The following IL5RA variants were observed in gnomAD, a reference collection of about 807,000 sequenced individuals.
The protein encoded by IL5RA is interleukin-5 receptor subunit alpha.
A neutral mutation model predicts 50.0 loss-of-function variants in IL5RA; 49 were observed. That is an observed-to-expected ratio of 0.98 (90% confidence interval 0.78 to 1.24). IL5RA has a LOEUF of 1.24. IL5RA is among the 50% of genes most tolerant of loss of function. The pLI, the probability that IL5RA is intolerant of heterozygous loss-of-function variation, is 0.00. For missense variants in IL5RA, 600 were observed against 500.4 expected (o/e 1.20, Z -1.90); for synonymous variants, 202 against 174.0 (o/e 1.16, Z -1.26).
chr3:3,085,970 T>G (rs1318449908), intron 9 of IL5RA, among the ~76,000 whole-genome samples: 2 of 151,524 alleles, frequency 1.3e-5, no homozygotes, highest in Non-Finnish European at 2.9e-5. Flanking sequence ...GAATGAGTGA[T>G]CTGAAAACGG....
chr3:3,071,496 C>A (rs1296188781), intron 11 of IL5RA, among the ~76,000 whole-genome samples: 1 of 150,466 alleles, frequency 6.6e-6, no homozygotes, highest in Non-Finnish European at 1.5e-5. Flanking sequence ...TCAGGATATG[C>A]TTTTTTAGAA....
chr3:3,089,214 A>C (rs1702992074), intron 9 of IL5RA, among the ~76,000 whole-genome samples: 1 of 152,176 alleles, frequency 6.6e-6, no homozygotes, highest in Non-Finnish European at 1.5e-5. Flanking sequence ...TGCTCCTGTA[A>C]GTCTCTCTGA....
At chr3:3,078,615 C>G (rs980695351) in intron 9 of IL5RA, among the ~76,000 whole-genome samples, 17 of 152,162 alleles carry the variant, frequency 1.1e-4, no homozygotes, top group African/African-American at 4.1e-4. Flanking sequence ...GGGTGGATCA[C>G]TTGAGGTCAG....
At chr3:3,095,120 A>G (rs7647260) in intron 8 of IL5RA, among the ~76,000 whole-genome samples, 179 bp downstream of exon 8, 55,452 of 152,110 alleles carry the variant, frequency 0.36, 10,249 homozygotes, top group South Asian at 0.55. Flanking sequence ...TCAAAACAAA[A>G]GGCCAGTAAG....
intron 10 of IL5RA, among the ~76,000 whole-genome samples, chr3:3,075,813 G>A (rs965774238): frequency 6.6e-6 from 1 of 151,740 alleles, no homozygotes; most frequent in African/African-American, 2.4e-5. Context: ...CATTAGCCAG[G>A]GTGGTCTCGA....
rs71058670 is a variant in IL5RA, at chr3:3,070,575, CTTTTTTTTTTTTT to C, written c.1177-277_1177-265del. On this transcript the variant is annotated intron_variant, in intron 11 of 11. Coordinates refer to ENST00000446632, the MANE Select transcript of IL5RA (RefSeq NM_175726.4). Reference sequence around the variant, plus strand: ...TACTTGAAGTCATATGGATACACATCTTTTTTTTTTTTTTTTTTTTTTTTTAGACAGAGTCTCA... The same window carrying C: ...TACTTGAAGTCATATGGATACACATCTTTTTTTTTTTTAGACAGAGTCTCA... Among the ~76,000 whole-genome samples, 186 of 84,918 alleles carry C rather than the reference CTTTTTTTTTTTTT, an allele frequency of 2.2e-3. 3 individuals are homozygous for C. Among genetic ancestry groups the C allele is most frequent in the African/African-American group, 9.7e-3 (179 of 18,476 alleles). 55.7% of individuals were successfully genotyped at this position (84,918 alleles called of 152,430 possible).
At chr3:3,086,672 A>AG (rs111951720) in intron 9 of IL5RA, among the ~76,000 whole-genome samples, 11,478 of 151,930 alleles carry the variant, frequency 0.076, 823 homozygotes, top group African/African-American at 0.19. Context: ...TCATCTCTTA[A>AG]AAAAAAATTC....
At chr3:3,075,795 T>A (rs1215086508) in intron 10 of IL5RA, among the ~76,000 whole-genome samples, 2 of 151,690 alleles carry the variant, frequency 1.3e-5, no homozygotes, top group African/African-American at 2.4e-5. Flanking sequence ...AGAGACGGGG[T>A]TTCACCACAT....
In IL5RA at chr3:3,097,994, T is replaced by C. The variant is rs765110668; in HGVS notation, c.585A>G (p.Ala195=). The change falls in exon 7 of 12, where the codon GCA becomes GCG. Residue 195 remains alanine (A), a synonymous_variant. Transcript: ENST00000446632. ...GGATAAAAGTCCTGGGAAACCAGCA[T>C]GCGATATTTCTCCCCAGTGTGTCTT... ...YSKDTLGRNI[A]CWFPRTFILS... is the part of the protein sequence containing the mutation. 1 of 1,614,204 alleles carries C rather than the reference T, an allele frequency of 6.2e-7. No homozygotes were observed. Among genetic ancestry groups the C allele is most frequent in the Non-Finnish European group, 8.5e-7 (1 of 1,180,046 alleles).
chr3:3,086,373 C>T (rs745680500), intron 9 of IL5RA, among the ~76,000 whole-genome samples: 1 of 151,950 alleles, frequency 6.6e-6, no homozygotes, highest in Admixed American at 6.6e-5. Flanking sequence ...CAAAAGGTTT[C>T]GATAAACAGG....
chr3:3,099,252 C>G (rs1160366943), intron 5 of IL5RA, among the ~76,000 whole-genome samples: 1 of 152,156 alleles, frequency 6.6e-6, no homozygotes, highest in African/African-American at 2.4e-5. Context: ...TCCCAGTGCT[C>G]TGGGAGGCCA....
chr3:3,094,559 C>T (rs149798555), intron 8 of IL5RA, among the ~76,000 whole-genome samples: 2 of 152,250 alleles, frequency 1.3e-5, no homozygotes, highest in East Asian at 3.9e-4. Flanking sequence ...AATAATGCTG[C>T]TATGGACATG....
At chr3:3,089,774 C>T (rs1033053584) in intron 9 of IL5RA, among the ~76,000 whole-genome samples, 3 of 152,112 alleles carry the variant, frequency 2.0e-5, no homozygotes, top group Admixed American at 6.6e-5. Flanking sequence ...AGGCGCGCAC[C>T]ACCACGCCCA....
Position 3,099,845 on chromosome 3 carries a change from T to A in IL5RA, c.368-1555A>T, listed in dbSNP as rs183084316. Among the ~76,000 whole-genome samples, 184 of 152,000 alleles carry A rather than the reference T, an allele frequency of 1.2e-3. 1 individual carries two copies. The highest frequency in any genetic ancestry group is 3.7e-3 in the African/African-American group (152 of 41,478). ...CCACCACACTCAGCTAATTTTTGTATATTTAGTAGAGACGGGGTTTCACCA... is the reference window on the plus strand; with the variant it reads ...CCACCACACTCAGCTAATTTTTGTAAATTTAGTAGAGACGGGGTTTCACCA... On this transcript the variant is annotated intron_variant, in intron 5 of 11. Coordinates refer to ENST00000446632, the MANE Select transcript of IL5RA (RefSeq NM_175726.4).
At position 3,076,543 on chromosome 3, in the gene IL5RA, A is replaced by T. The variant is rs1702490386; in HGVS notation, c.1079T>A (p.Leu360His). The stretch of plus-strand genomic sequence containing the variant: ...AAAGAACACTTACATTTTACAGATA[A>T]GCGAGAGAATTAACAAGATGAAGCA... ...TICFILLILSLICKICHLWIK... is the reference protein window; with the variant it reads ...TICFILLILSHICKICHLWIK... Residue 360 changes from leucine (L) to histidine (H), a missense_variant, in exon 10 of 12, where the codon CTT becomes CAT. Leu to His is a moderately conservative substitution (Grantham distance 99). Transcript: ENST00000446632. 3 of 1,605,822 alleles carry T rather than the reference A, an allele frequency of 1.9e-6. No individual in the cohort carries two copies. In the Admixed American group the frequency reaches 5.0e-5, roughly 27 times the overall value.
intron 9 of IL5RA, among the ~76,000 whole-genome samples, chr3:3,086,197 G>A (rs559182921): frequency 6.6e-6 from 1 of 152,200 alleles, no homozygotes; most frequent in Admixed American, 6.5e-5. Flanking sequence ...GTGCAGGGTA[G>A]ACCCACATAA....
At chr3:3,105,977 C>T (rs1039735750) in intron 2 of IL5RA, among the ~76,000 whole-genome samples, 1 of 152,268 alleles carries the variant, frequency 6.6e-6, no homozygotes, top group African/African-American at 2.4e-5. Flanking sequence ...AGGAGTTCTT[C>T]CTACTCTCTT....
At chr3:3,077,637 C>T (rs1702532471) in intron 9 of IL5RA, among the ~76,000 whole-genome samples, 1 of 152,104 alleles carries the variant, frequency 6.6e-6, no homozygotes, top group Non-Finnish European at 1.5e-5. Context: ...GGCGTGGTGG[C>T]AGGCACCTGT....
chr3:3,075,275 T>G (rs376061556), intron 10 of IL5RA, among the ~76,000 whole-genome samples: 6 of 144,646 alleles, frequency 4.1e-5, no homozygotes, highest in African/African-American at 1.6e-4. Flanking sequence ...CCATCGTGGC[T>G]TATTGCAATC....
Sources: allele counts gnomAD v4.1 joint callset (sites outside exome capture counted in the v4.1 genomes callset), GRCh38; gene constraint gnomAD v4.1.1; transcripts MANE v1.5; gene names NCBI Gene and HGNC (gene_info 2026-07-23, HGNC 2026-07-21).